Variants in SUGCT observed in about 807,000 individuals in gnomAD.
The protein encoded by SUGCT is succinyl-CoA:glutarate-CoA transferase.
In SUGCT, 41 loss-of-function variants were observed where a neutral mutation model predicts 55.0. The observed-to-expected ratio is 0.74, with a 90% CI of 0.58 to 0.97. SUGCT has a LOEUF of 0.97. SUGCT is among the 50% of genes least tolerant of loss of function. The pLI, the probability that SUGCT is intolerant of heterozygous loss-of-function variation, is 0.00. For missense variants in SUGCT, 568 were observed against 547.8 expected (o/e 1.04, Z -0.37); for synonymous variants, 187 against 200.4 (o/e 0.93, Z 0.56).
At chr7:40,220,863 G>A (rs1326545062) in intron 6 of SUGCT, among the ~76,000 whole-genome samples, 3 of 152,194 alleles carry the variant, frequency 2.0e-5, no homozygotes, top group African/African-American at 7.2e-5. Context: ...GAAAGAGAAT[G>A]TAAATTTATC....
At chr7:40,673,476 A>C (rs1017179053) in intron 12 of SUGCT, among the ~76,000 whole-genome samples, 1 of 151,694 alleles carries the variant, frequency 6.6e-6, no homozygotes, top group Non-Finnish European at 1.5e-5. Context: ...CTTTGCCAAA[A>C]CTCCCTCTGA....
chr7:40,900,995 T>C, the SUGCT span, among the ~76,000 whole-genome samples: 1 of 152,182 alleles, frequency 6.6e-6, no homozygotes, highest in Non-Finnish European at 1.5e-5. Context: ...AATGTTTGGA[T>C]GGATGTGTAT....
chr7:40,713,597 A>G lies in SUGCT; in HGVS notation c.1090-35837A>G, dbSNP rs1014209436. 6.6e-5 allele frequency among the ~76,000 whole-genome samples: 10 copies of G among 152,208 alleles called. 1 individual carries two copies. Among genetic ancestry groups the G allele is most frequent in the Non-Finnish European group, 1.5e-4 (10 of 68,018 alleles). On this transcript the variant is annotated intron_variant, in intron 12 of 13. Coordinates refer to ENST00000335693, the MANE Select transcript of SUGCT (RefSeq NM_001193313.2). The stretch of plus-strand genomic sequence containing the variant: ...CTTGCAAGTCCTACCAAGGCATTCT[A>G]GAATCACAGCCACCTGTAAATTTGT...
intron 1 of SUGCT, among the ~76,000 whole-genome samples, chr7:40,158,052 C>T (rs1052564841): frequency 6.6e-6 from 1 of 151,900 alleles, no homozygotes; most frequent in African/African-American, 2.4e-5. Context: ...ATTAAAAATA[C>T]AAAAATTAGC....
intron 5 of SUGCT, among the ~76,000 whole-genome samples, chr7:40,192,192 G>A (rs1785957514): frequency 6.7e-6 from 1 of 150,278 alleles, no homozygotes; most frequent in South Asian, 2.1e-4. Context: ...AATACAATGA[G>A]TTTAGTTTAT....
the SUGCT span, among the ~76,000 whole-genome samples, chr7:40,868,994 A>G: frequency 6.6e-6 from 1 of 152,248 alleles, no homozygotes; most frequent in African/African-American, 2.4e-5. Flanking sequence ...ATGTAACATT[A>G]TGTAAACTGG....
At chr7:40,563,102 AGC>A (rs1288898310) in intron 12 of SUGCT, among the ~76,000 whole-genome samples, 1 of 152,122 alleles carries the variant, frequency 6.6e-6, no homozygotes, top group Non-Finnish European at 1.5e-5. Context: ...ATGCACCTGA[AGC>A]GCTCTATGTC....
chr7:40,536,014 G>T (rs1400317092), intron 12 of SUGCT, among the ~76,000 whole-genome samples: 1 of 152,130 alleles, frequency 6.6e-6, no homozygotes, highest in Non-Finnish European at 1.5e-5. Context: ...TTTTGATGAG[G>T]TTATTTGTTT....
the SUGCT span, among the ~76,000 whole-genome samples, chr7:40,998,838 G>A: frequency 2.6e-5 from 4 of 152,160 alleles, no homozygotes; most frequent in African/African-American, 7.2e-5. Flanking sequence ...CTTTACAAAA[G>A]CTTAGGTGAT....
intron 9 of SUGCT, among the ~76,000 whole-genome samples, chr7:40,368,121 C>A (rs1270205942): frequency 1.3e-5 from 2 of 152,092 alleles, no homozygotes; most frequent in East Asian, 3.9e-4. Flanking sequence ...CTTCCTTGAC[C>A]TCTTACTTCC....
intron 12 of SUGCT, among the ~76,000 whole-genome samples, chr7:40,684,917 G>A (rs1004841481): frequency 1.3e-5 from 2 of 152,136 alleles, no homozygotes; most frequent in African/African-American, 4.8e-5. Flanking sequence ...TGCAACCTCC[G>A]CCTCCTGGGT....
At chr7:40,815,243 G>A (rs1181020292) in intron 13 of SUGCT, among the ~76,000 whole-genome samples, 1 of 152,244 alleles carries the variant, frequency 6.6e-6, no homozygotes, top group Non-Finnish European at 1.5e-5. Context: ...CCGATGGCAG[G>A]CATGAGCACC....
rs184791856 is a variant in SUGCT, at chr7:40,737,974, C to T, written c.1090-11460C>T. Among the ~76,000 whole-genome samples the T allele has an allele frequency of 2.5e-3, 373 of 151,342 alleles. 1 individual carries two copies. Among genetic ancestry groups the T allele is most frequent in the East Asian group, 9.6e-3 (49 of 5,118 alleles). On this transcript the variant is annotated intron_variant, in intron 12 of 13. Coordinates refer to ENST00000335693, the MANE Select transcript of SUGCT (RefSeq NM_001193313.2). ...GCGCAGAGGCTCATGCCTATAATCG[C>T]GCAGATCACGAGGTCAGGAGATCAA... is the stretch of plus-strand genomic sequence containing the variant.
chr7:40,654,224 G>A (rs1218264640), intron 12 of SUGCT, among the ~76,000 whole-genome samples: 2 of 152,114 alleles, frequency 1.3e-5, no homozygotes, highest in Admixed American at 6.6e-5. Flanking sequence ...GTCTTTTGCT[G>A]TTGTCACTTA....
At chr7:40,786,806 A>C (rs920223077) in intron 13 of SUGCT, among the ~76,000 whole-genome samples, 1 of 152,152 alleles carries the variant, frequency 6.6e-6, no homozygotes, top group Non-Finnish European at 1.5e-5. Flanking sequence ...TGTTAGCCTT[A>C]ATGTTTTGGA....
At chr7:40,544,388 A>G (rs1214997906) in intron 12 of SUGCT, among the ~76,000 whole-genome samples, 4 of 152,076 alleles carry the variant, frequency 2.6e-5, no homozygotes, top group African/African-American at 4.8e-5. Flanking sequence ...CTTTAGAGAC[A>G]TCCACACCCT....
intron 6 of SUGCT, among the ~76,000 whole-genome samples, chr7:40,219,580 T>C (rs1257789698): frequency 6.6e-6 from 1 of 152,182 alleles, no homozygotes; most frequent in East Asian, 1.9e-4. Context: ...ACACTGTCTC[T>C]TTGGGACGTT....
chr7:40,433,988 T>C (rs1217002833), intron 9 of SUGCT, among the ~76,000 whole-genome samples: 1 of 152,182 alleles, frequency 6.6e-6, no homozygotes, highest in African/African-American at 2.4e-5. Flanking sequence ...GGGGCGGGCA[T>C]ATACATACCA....
intron 1 of SUGCT, among the ~76,000 whole-genome samples, chr7:40,146,797 C>A (rs1301600682): frequency 2.0e-5 from 3 of 152,162 alleles, no homozygotes; most frequent in East Asian, 1.9e-4. Context: ...CAGTTTATGG[C>A]CAGATTTTGG....
Sources: gnomAD v4.1 joint callset for allele counts (sites outside exome capture counted in the v4.1 genomes callset) on GRCh38, gnomAD v4.1.1 for gene constraint, MANE v1.5 for transcripts, NCBI Gene and HGNC (gene_info 2026-07-23, HGNC 2026-07-21) for gene names.